Variants in PSIP1 observed in about 807,000 individuals in gnomAD.
PSIP1 encodes PC4 and SFRS1-interacting protein.
Under a neutral mutation model 74.7 loss-of-function variants are expected in PSIP1, and 19 were observed. That is an observed-to-expected ratio of 0.25 (90% CI 0.18 to 0.37). The LOEUF is 0.37. PSIP1 is among the 10% of genes least tolerant of loss of function. PSIP1 has a pLI of 1.00. For synonymous variants in PSIP1, 222 were observed against 195.3 expected, an observed-to-expected ratio of 1.14 and a Z score of -1.14; for missense variants, 601 against 614.3, an observed-to-expected ratio of 0.98 and a Z score of 0.23.
At chr9:15,496,553 C>T (rs1000342991) in intron 3 of PSIP1, among the ~76,000 whole-genome samples, 1 of 152,114 alleles carries the variant, frequency 6.6e-6, no homozygotes, top group Non-Finnish European at 1.5e-5. Context: ...TTTACGTGTA[C>T]CTTTTCACTA....
At chr9:15,486,729 CT>C in intron 5 of PSIP1, 97 bp downstream of exon 5, 1 of 826,538 alleles carries the variant, frequency 1.2e-6, no homozygotes, top group Non-Finnish European at 2.0e-6. Flanking sequence ...TTTTGAAGTA[CT>C]TTAAAAATTA....
Position 15,510,233 on chromosome 9 carries a change from G to C in PSIP1, c.-45C>G, listed in dbSNP as rs767981308. 2.5e-6 allele frequency: 4 copies of C among 1,573,264 alleles called. No homozygotes were observed. The African/African-American group carries it at 5.6e-5, about 22-fold the overall frequency. On this transcript the variant is annotated 5_prime_UTR_variant, in exon 2 of 16. Coordinates refer to ENST00000380733, the MANE Select transcript of PSIP1 (RefSeq NM_033222.5). Reference sequence around the variant, plus strand: ...GGGTCCGAAGCCCGGGAGGCGGCGAGGAGATGCGGCGGCGCGGGGATGCGG... The same window carrying C: ...GGGTCCGAAGCCCGGGAGGCGGCGACGAGATGCGGCGGCGCGGGGATGCGG...
chr9:15,465,395 C>T lies in PSIP1; in HGVS notation c.*125G>A. On this transcript the variant is annotated 3_prime_UTR_variant, in exon 16 of 16. Coordinates refer to ENST00000380733, the MANE Select transcript of PSIP1 (RefSeq NM_033222.5). ...CTTTACTTTAAAACAAAGGGATTTT[C>T]TCCCTCAAAACAAGTTTTCAACATC... 2 of 793,420 alleles carry T rather than the reference C, an allele frequency of 2.5e-6. No homozygotes were observed. The highest frequency in any genetic ancestry group is 4.1e-6 in the Non-Finnish European group (2 of 491,330). The allele number at this position is 793,420 out of a possible 1,614,324, so 49.1% of individuals were successfully genotyped here.
chr9:15,499,087 AG>A (rs1358962562), intron 3 of PSIP1, among the ~76,000 whole-genome samples: 1 of 152,240 alleles, frequency 6.6e-6, no homozygotes, highest in Non-Finnish European at 1.5e-5. Context: ...CTCATTTTAA[AG>A]ATGAGAAAAT....
chr9:15,471,862 A>G, intron 10 of PSIP1: 3 of 978,812 alleles, frequency 3.1e-6, no homozygotes, highest in Middle Eastern at 5.2e-4. Context: ...CCTCACTAAA[A>G]CAACAACAAA....
chr9:15,508,212 C>G (rs1176896324), intron 2 of PSIP1, among the ~76,000 whole-genome samples: 2 of 152,158 alleles, frequency 1.3e-5, no homozygotes, highest in African/African-American at 4.8e-5. Flanking sequence ...AAAATTGCAA[C>G]AAGAGGTGTC....
At chr9:15,500,189 G>A (rs2037269543) in intron 3 of PSIP1, among the ~76,000 whole-genome samples, 1 of 152,162 alleles carries the variant, frequency 6.6e-6, no homozygotes, top group African/African-American at 2.4e-5. Context: ...CAATAGGGCT[G>A]GGCGTGGTGG....
intron 14 of PSIP1, among the ~76,000 whole-genome samples, chr9:15,467,543 T>A (rs1463628364): frequency 6.6e-6 from 1 of 152,182 alleles, no homozygotes; most frequent in African/African-American, 2.4e-5. Context: ...AGTGAAATGG[T>A]ATGTCAGGGA....
Position 15,466,758 on chromosome 9 carries a change from T to C in PSIP1, c.1522A>G (p.Thr508Ala). 1 of 1,609,580 alleles carries C rather than the reference T, an allele frequency of 6.2e-7. No individual in the cohort carries two copies. The highest frequency in any genetic ancestry group is 8.5e-7 in the Non-Finnish European group (1 of 1,178,670). ...EDSKDNHEAS[T>A]KKKPSSEERE... ...AAACCTATTCCTCACTTTTTCTTCG[T>C]GCTGGCTTCATGGTTGTCTTTGCTG... Residue 508 changes from threonine to alanine, a missense_variant, in exon 15 of 16, where the codon ACG becomes GCG. This residue lies in a region of PSIP1 where 538 missense variants were observed against 507.6 expected (regional missense o/e 1.06). Coordinates refer to ENST00000380733, the MANE Select transcript of PSIP1 (RefSeq NM_033222.5).
chr9:15,467,071 C>T (rs1380433071), intron 14 of PSIP1, among the ~76,000 whole-genome samples: 1 of 152,088 alleles, frequency 6.6e-6, no homozygotes, highest in East Asian at 1.9e-4. Context: ...AGATGACCAC[C>T]AGAGGCTTTG....
Position 15,468,996 on chromosome 9 carries a change from T to C in PSIP1, c.1167A>G (p.Gln389=). 2 of 1,614,052 alleles carry C rather than the reference T, an allele frequency of 1.2e-6. No individual in the cohort carries two copies. Among genetic ancestry groups the C allele is most frequent in the South Asian group, 2.2e-5 (2 of 91,078 alleles). The change falls in exon 13 of 16, where the codon CAA becomes CAG. Residue 389 remains glutamine (Q), a synonymous_variant. Transcript: ENST00000380733. ...TAATCATCTCTGTGTGTTTCTGAGC[T>C]TGTTGCATTGTGACCTGAAGTGAAG... The part of the protein sequence containing the change: ...ELASLQVTMQ[Q]AQKHTEMITT...
At chr9:15,494,995 C>A (rs543661544) in intron 3 of PSIP1, among the ~76,000 whole-genome samples, 2 of 152,002 alleles carry the variant, frequency 1.3e-5, no homozygotes, top group African/African-American at 2.4e-5. Context: ...TCCTGAAAAA[C>A]CAGAAAAACA....
intron 6 of PSIP1, among the ~76,000 whole-genome samples, chr9:15,484,179 G>T (rs2036458927): frequency 7.1e-6 from 1 of 140,428 alleles, no homozygotes; most frequent in African/African-American, 2.6e-5. Context: ...AAAGAAAAAA[G>T]AGGCATCAAG....
chr9:15,466,944 TACA>T (rs1190543672), intron 14 of PSIP1, 85 bp from the exon 15 acceptor site: 1 of 960,050 alleles, frequency 1.0e-6, no homozygotes, highest in African/African-American at 1.7e-5. Context: ...AGAATCAAAA[TACA>T]ACATGGCCAT....
At chr9:15,507,932 T>C (rs1019251451) in intron 2 of PSIP1, among the ~76,000 whole-genome samples, 1 of 152,240 alleles carries the variant, frequency 6.6e-6, no homozygotes, top group Non-Finnish European at 1.5e-5. Flanking sequence ...ACACCTGTTA[T>C]CTCAACTTTG....
intron 3 of PSIP1, among the ~76,000 whole-genome samples, chr9:15,504,280 T>A: frequency 6.6e-6 from 1 of 152,244 alleles, no homozygotes. Flanking sequence ...ATTAACTATC[T>A]AATTACCTAT....
intron 3 of PSIP1, among the ~76,000 whole-genome samples, chr9:15,490,765 C>T (rs959521729): frequency 6.7e-6 from 1 of 148,820 alleles, no homozygotes; most frequent in African/African-American, 2.5e-5. Context: ...TAGCATTAAT[C>T]AACACATTTA....
At chr9:15,494,784 T>A (rs1171307906) in intron 3 of PSIP1, among the ~76,000 whole-genome samples, 1 of 152,098 alleles carries the variant, frequency 6.6e-6, no homozygotes, top group Non-Finnish European at 1.5e-5. Context: ...ATCATCTCAT[T>A]CCATCAAAAA....
intron 6 of PSIP1, among the ~76,000 whole-genome samples, chr9:15,482,978 C>T (rs7862428): frequency 0.24 from 36,424 of 151,902 alleles, 7,402 homozygotes; most frequent in African/African-American, 0.56. Flanking sequence ...CTGGACATTC[C>T]CCCTTCCCTT....
Sources: gnomAD v4.1 joint callset for allele counts (sites outside exome capture counted in the v4.1 genomes callset) on GRCh38, gnomAD v4.1.1 for gene constraint, gnomAD v4.1.1 regional missense constraint, MANE v1.5 for transcripts, NCBI Gene and HGNC (gene_info 2026-07-23, HGNC 2026-07-21) for gene names.